PTPRG: variants seen among roughly 807,000 people sequenced by gnomAD.
PTPRG encodes the protein protein tyrosine phosphatase receptor type G.
Under a neutral mutation model 165.3 loss-of-function variants are expected in PTPRG, and 102 were observed. The observed-to-expected ratio is 0.62, with a 90% CI of 0.53 to 0.73. The LOEUF (loss-of-function observed/expected upper bound fraction) is 0.73, where lower values mean the gene tolerates loss of function less well. Ranked by LOEUF, PTPRG falls within the 30% of genes least tolerant of loss-of-function variation. The probability of loss-of-function intolerance (pLI) is 0.00; values close to 1 mark genes in which losing one functional copy is unlikely to be tolerated. For missense variants in PTPRG, 1,866 were observed against 1,861.4 expected, an observed-to-expected ratio of 1.00 and a Z score of -0.05; for synonymous variants, 675 against 669.5, an observed-to-expected ratio of 1.01 and a Z score of -0.13.
At chr3:61,613,830 C>A (rs764193760) in intron 1 of PTPRG, among the ~76,000 whole-genome samples, 12 of 152,164 alleles carry the variant, frequency 7.9e-5, no homozygotes, top group Non-Finnish European at 1.5e-4. Context: ...AACACAAAAC[C>A]ATGAGCAATA....
At chr3:61,685,999 G>A (rs1169136507) in intron 1 of PTPRG, among the ~76,000 whole-genome samples, 2 of 152,124 alleles carry the variant, frequency 1.3e-5, no homozygotes, top group African/African-American at 4.8e-5. Flanking sequence ...TGGGAGCGCC[G>A]TGCTTCTGAA....
intron 1 of PTPRG, among the ~76,000 whole-genome samples, chr3:61,600,182 A>ATGTGTGTGTGTGTGTG (rs1559518876): frequency 1.4e-4 from 14 of 97,156 alleles, no homozygotes; most frequent in African/African-American, 4.3e-4. Context: ...AAATATATAT[A>ATGTGTGTGTGTGTGTG]TATATATATA....
chr3:61,644,476 T>C (rs1702148971), intron 1 of PTPRG, among the ~76,000 whole-genome samples: 1 of 151,952 alleles, frequency 6.6e-6, no homozygotes, highest in Non-Finnish European at 1.5e-5. Context: ...GCCCAGTGGG[T>C]TTTTGGTATA....
At position 62,252,326 on chromosome 3, in the gene PTPRG, TTC is replaced by T. The variant is rs1229624791; in HGVS notation, c.2468-2792_2468-2791del. Among the ~76,000 whole-genome samples, 2 of 152,220 alleles carry T rather than the reference TTC, an allele frequency of 1.3e-5. No individual in the cohort carries two copies. The highest frequency in any genetic ancestry group is 2.9e-5 in the Non-Finnish European group (2 of 68,030). On this transcript the variant is annotated intron_variant, in intron 15 of 29. Coordinates refer to ENST00000474889, the MANE Select transcript of PTPRG (RefSeq NM_002841.4). The surrounding 1 kb of genome is among the most constrained non-coding windows in gnomAD (Gnocchi z 4.6). ...AACGGCTTCATCCAGGGGTTTCCCA[TTC>T]TCTCTGAGTCGGAGCACTTTTTATC...
chr3:62,239,195 G>C (rs967530822), intron 14 of PTPRG, among the ~76,000 whole-genome samples: 7 of 152,032 alleles, frequency 4.6e-5, no homozygotes, highest in African/African-American at 1.7e-4. Flanking sequence ...TTTGGAAAAT[G>C]GCTCTTTGTG....
chr3:61,978,830 A>G (rs1022042672), intron 2 of PTPRG, among the ~76,000 whole-genome samples: 1 of 152,210 alleles, frequency 6.6e-6, no homozygotes, highest in African/African-American at 2.4e-5. Flanking sequence ...CTGTTTATAA[A>G]AACAGGTTGT....
intron 28 of PTPRG, among the ~76,000 whole-genome samples, chr3:62,287,956 A>AAAT (rs934572736): frequency 1.3e-5 from 2 of 152,202 alleles, no homozygotes; most frequent in African/African-American, 4.8e-5. Context: ...ACCACCAGTG[A>AAAT]AATAACATCC....
At chr3:61,970,456 G>C (rs1430943012) in intron 2 of PTPRG, among the ~76,000 whole-genome samples, 1 of 152,180 alleles carries the variant, frequency 6.6e-6, no homozygotes, top group Non-Finnish European at 1.5e-5. Context: ...AGTTGTAGAA[G>C]CTAATTTAAT....
intron 11 of PTPRG, 143 bp downstream of exon 11, chr3:62,201,697 A>C: frequency 1.7e-6 from 1 of 593,512 alleles, no homozygotes; most frequent in Non-Finnish European, 2.8e-6. Flanking sequence ...TACATTATTC[A>C]CTTTTTATAA....
At chr3:61,984,537 T>C (rs1479391) in intron 2 of PTPRG, among the ~76,000 whole-genome samples, 39,862 of 152,082 alleles carry the variant, frequency 0.26, 5,717 homozygotes, top group African/African-American at 0.39. Context: ...ACCTGGTTAG[T>C]AAAATTTAAC....
chr3:61,881,315 G>A (rs767718284), intron 2 of PTPRG, among the ~76,000 whole-genome samples: 3 of 152,186 alleles, frequency 2.0e-5, no homozygotes, highest in Non-Finnish European at 2.9e-5. Flanking sequence ...AACTTGGGGA[G>A]AAATGTATTA....
intron 19 of PTPRG, among the ~76,000 whole-genome samples, chr3:62,268,770 A>T (rs1004101760): frequency 6.6e-6 from 1 of 152,168 alleles, no homozygotes; most frequent in African/African-American, 2.4e-5. Context: ...ATGCATTATA[A>T]TGCAAAAATA....
At chr3:61,851,563 T>C (rs1575721866) in intron 2 of PTPRG, among the ~76,000 whole-genome samples, 1 of 152,334 alleles carries the variant, frequency 6.6e-6, no homozygotes, top group Non-Finnish European at 1.5e-5. Context: ...ACATCTAATA[T>C]TCATTTATTT....
At chr3:61,564,666 T>TG (rs1202534485) in intron 1 of PTPRG, among the ~76,000 whole-genome samples, 1 of 152,092 alleles carries the variant, frequency 6.6e-6, no homozygotes, top group Non-Finnish European at 1.5e-5. Flanking sequence ...ATCAGAGCTC[T>TG]GGGAGACGCT....
chr3:61,712,120 C>T (rs1446201584), intron 1 of PTPRG, among the ~76,000 whole-genome samples: 1 of 152,080 alleles, frequency 6.6e-6, no homozygotes, highest in Non-Finnish European at 1.5e-5. Flanking sequence ...TGTCGAACTC[C>T]TGACCTTAGG....
intron 4 of PTPRG, among the ~76,000 whole-genome samples, chr3:62,050,384 G>A (rs1441852679): frequency 2.0e-5 from 3 of 152,218 alleles, no homozygotes; most frequent in Admixed American, 2.0e-4. Context: ...AGGAGCAGTA[G>A]GCTATACCAC....
rs115190505 is a variant in PTPRG, at chr3:61,618,651, T to C, written c.85+56279T>C. 5.6e-3 allele frequency among the ~76,000 whole-genome samples: 859 copies of C among 152,314 alleles called. 3 individuals are homozygous for C. Among genetic ancestry groups the C allele is most frequent in the African/African-American group, 0.02 (823 of 41,576 alleles). On this transcript the variant is annotated intron_variant, in intron 1 of 29. Coordinates refer to ENST00000474889, the MANE Select transcript of PTPRG (RefSeq NM_002841.4). ...GAAACTAAATGTCACAGCATATCCA[T>C]CTTCTGTTAAAGGGGTTTAGCTCTG...
intron 12 of PTPRG, among the ~76,000 whole-genome samples, chr3:62,206,888 C>G (rs1009200286): frequency 1.6e-5 from 2 of 124,990 alleles, no homozygotes; most frequent in Non-Finnish European, 3.1e-5. Flanking sequence ...AAGATCACAC[C>G]ACTGACAGAG....
chr3:61,839,851 A>G (rs568679499), intron 2 of PTPRG, among the ~76,000 whole-genome samples: 39 of 152,094 alleles, frequency 2.6e-4, no homozygotes, highest in Non-Finnish European at 5.0e-4. Context: ...TTGCCTACAC[A>G]GCATTTTTTG....
Sources: allele counts gnomAD v4.1 joint callset (sites outside exome capture counted in the v4.1 genomes callset), GRCh38; gene constraint gnomAD v4.1.1; non-coding constraint Gnocchi (gnomAD v3.1); transcripts MANE v1.5; gene names NCBI Gene and HGNC (gene_info 2026-07-23, HGNC 2026-07-21).